The following DCHS2 variants were observed in gnomAD, a reference collection of about 807,000 sequenced individuals.
The protein encoded by DCHS2 is protocadherin-23.
DCHS2 carries 142 observed loss-of-function variants against 182.4 expected under a neutral mutation model. The observed-to-expected ratio is 0.78, with a 90% CI of 0.68 to 0.89. The LOEUF is 0.89. Ranked by LOEUF, DCHS2 falls within the 40% of genes least tolerant of loss-of-function variation. DCHS2 has a pLI of 0.00. For synonymous variants in DCHS2, 1,740 were observed against 1,663.3 expected (o/e 1.05, Z -1.12); for missense variants, 4,319 against 4,198.6 (o/e 1.03, Z -0.79).
At chr4:154,468,947 C>A (rs1184229858) in intron 1 of DCHS2, among the ~76,000 whole-genome samples, 5 of 152,058 alleles carry the variant, frequency 3.3e-5, no homozygotes, top group South Asian at 2.1e-4. Context: ...GAAACGGTAA[C>A]TATGTAAAGT....
intron 1 of DCHS2, among the ~76,000 whole-genome samples, chr4:154,458,601 T>G (rs1296232763): frequency 6.6e-6 from 1 of 152,208 alleles, no homozygotes; most frequent in African/African-American, 2.4e-5. Context: ...AAATGCCGTC[T>G]CTTGCACACA....
intron 14 of DCHS2, chr4:154,261,988 A>C (rs1181918666): frequency 6.6e-6 from 1 of 152,192 alleles, no homozygotes; most frequent in Admixed American, 6.5e-5. Context: ...CCCGAGTCTG[A>C]GGTGGGTCCA....
At chr4:154,278,068 A>T (rs894637002) in intron 13 of DCHS2, among the ~76,000 whole-genome samples, 1 of 151,890 alleles carries the variant, frequency 6.6e-6, no homozygotes, top group African/African-American at 2.4e-5. Flanking sequence ...ATTTAAAATA[A>T]TTACACAGAA....
chr4:154,489,421 G>A lies in DCHS2; in HGVS notation c.1935C>T (p.Ala645=), dbSNP rs373069538. 6.4e-7 allele frequency: 1 copy of A among 1,551,736 alleles called. No individual in the cohort carries two copies. Among genetic ancestry groups the A allele is most frequent in the Non-Finnish European group, 8.7e-7 (1 of 1,147,006 alleles). Residue 645 remains alanine, a synonymous_variant, in exon 1 of 20, where the codon GCC becomes GCT. Transcript: ENST00000357232. ...CTACGGTGATGCTCACCAGGCAGGT[G>A]GCAGAGAGTGGGGGCTCTCCGAGGT... ...AQDLGEPPLS[A]TCLVSITVDD... is the part of the protein sequence containing the mutation.
chr4:154,460,862 TA>T (rs1190306955), intron 1 of DCHS2, among the ~76,000 whole-genome samples: 1 of 152,120 alleles, frequency 6.6e-6, no homozygotes, highest in African/African-American at 2.4e-5. Context: ...CAATAATAAT[TA>T]AAAAACTAGC....
At chr4:154,432,749 G>T (rs900172531) in intron 1 of DCHS2, among the ~76,000 whole-genome samples, 3 of 152,148 alleles carry the variant, frequency 2.0e-5, no homozygotes, top group African/African-American at 7.2e-5. Context: ...TGCCCTTCAA[G>T]CCTAATCTTG....
Position 154,234,676 on chromosome 4 carries a change from G to T in DCHS2, c.9976C>A (p.Pro3326Thr), listed in dbSNP as rs1560968164. ...HLGSLPEGMT[P>T]NFSPSLSLLT... is the part of the protein sequence containing the mutation. ...AGGGAAAGAGATGGAGAAAAATTGG[G>T]AGTCATGCCTTCTGGCAGAGAACCA... Residue 3326 changes from proline (P) to threonine (T), a missense_variant, in exon 20 of 20, where the codon CCC (proline) becomes ACC (threonine). By Grantham distance (38) the Pro-to-Thr change is conservative (BLOSUM62 -1). Transcript: ENST00000357232. 1.2e-6 allele frequency: 2 copies of T among 1,614,044 alleles called. No homozygotes were observed. Among genetic ancestry groups the T allele is most frequent in the Non-Finnish European group, 8.5e-7 (1 of 1,179,966 alleles).
intron 1 of DCHS2, among the ~76,000 whole-genome samples, chr4:154,406,048 C>T (rs1732386836): frequency 6.6e-6 from 1 of 152,242 alleles, no homozygotes; most frequent in South Asian, 2.1e-4. Context: ...AATCTCTTCA[C>T]CTCTGTCATG....
intron 1 of DCHS2, among the ~76,000 whole-genome samples, chr4:154,433,103 C>T (rs535984917): frequency 1.3e-5 from 2 of 152,158 alleles, no homozygotes; most frequent in East Asian, 1.9e-4. Flanking sequence ...TTGGATTAGG[C>T]GGACCCTAAA....
At chr4:154,299,078 C>T (rs1228444717) in intron 12 of DCHS2, among the ~76,000 whole-genome samples, 1 of 151,946 alleles carries the variant, frequency 6.6e-6, no homozygotes, top group East Asian at 1.9e-4. Context: ...TAACACAAAA[C>T]AATAGATGAG....
chr4:154,480,198 G>T (rs1171489988), intron 1 of DCHS2, among the ~76,000 whole-genome samples: 1 of 152,104 alleles, frequency 6.6e-6, no homozygotes, highest in Non-Finnish European at 1.5e-5. Flanking sequence ...ACAACATGAG[G>T]AGTTTCTAAC....
At chr4:154,242,539 G>T (rs1731874586) in intron 17 of DCHS2, 103 bp downstream of exon 17, 2 of 1,406,200 alleles carry the variant, frequency 1.4e-6, no homozygotes, top group Admixed American at 5.5e-5. Flanking sequence ...TTGCTTGGTT[G>T]TTGAGGATTA....
chr4:154,346,297 C>T (rs1224783364), intron 3 of DCHS2, among the ~76,000 whole-genome samples: 1 of 152,106 alleles, frequency 6.6e-6, no homozygotes, highest in Non-Finnish European at 1.5e-5. Flanking sequence ...GTGTGTGCTA[C>T]CAAAGCAAGA....
chr4:154,367,220 C>T (rs1730425119), intron 2 of DCHS2, among the ~76,000 whole-genome samples: 1 of 152,156 alleles, frequency 6.6e-6, no homozygotes, highest in African/African-American at 2.4e-5. Flanking sequence ...GGGCTTTGAG[C>T]ACAAGAGTGG....
intron 12 of DCHS2, among the ~76,000 whole-genome samples, chr4:154,299,619 G>A (rs1033899506): frequency 2.0e-5 from 3 of 152,070 alleles, no homozygotes; most frequent in African/African-American, 7.2e-5. Context: ...AGGAGGAGAG[G>A]GCCCTGCATT....
At chr4:154,468,361 T>C (rs1735322365) in intron 1 of DCHS2, among the ~76,000 whole-genome samples, 1 of 152,142 alleles carries the variant, frequency 6.6e-6, no homozygotes, top group East Asian at 1.9e-4. Context: ...TTAAAATTTT[T>C]TCCAGGATTT....
intron 17 of DCHS2, among the ~76,000 whole-genome samples, chr4:154,241,852 T>A (rs985033313): frequency 3.3e-5 from 5 of 152,190 alleles, no homozygotes; most frequent in Non-Finnish European, 5.9e-5. Flanking sequence ...TTTGTAGATA[T>A]CTCTATGCAT....
At chr4:154,425,069 G>T (rs534003437) in intron 1 of DCHS2, among the ~76,000 whole-genome samples, 4 of 152,172 alleles carry the variant, frequency 2.6e-5, no homozygotes, top group Non-Finnish European at 2.9e-5. Flanking sequence ...AAACAGGATC[G>T]CTGGGCTGAG....
In DCHS2 at chr4:154,490,288, G is replaced by C. The variant is rs1284817944; in HGVS notation, c.1068C>G (p.Phe356Leu). The change falls in exon 1 of 20, where the codon TTC becomes TTG. Residue 356 changes from phenylalanine to leucine, a missense_variant. Phe to Leu is a conservative substitution (Grantham distance 22). Coordinates refer to ENST00000357232, the MANE Select transcript of DCHS2 (RefSeq NM_001358235.2). ...CCACGCCGCTCAGCTCCTCCACCGC[G>C]AAGTAGGCCGCGTCGCCCAGTGCCC... ...GGGALGDAAY[F>L]AVEELSGVVR... 6.5e-7 allele frequency: 1 copy of C among 1,547,944 alleles called. No homozygotes were observed. The highest frequency in any genetic ancestry group is 1.4e-5 in the African/African-American group (1 of 73,144).
Sources: gnomAD v4.1 joint callset for allele counts (sites outside exome capture counted in the v4.1 genomes callset) on GRCh38, gnomAD v4.1.1 for gene constraint, MANE v1.5 for transcripts, NCBI Gene and HGNC (gene_info 2026-07-23, HGNC 2026-07-21) for gene names.